Variants in TMEM132C observed in about 807,000 individuals in gnomAD.
The protein encoded by TMEM132C is protein phosphatase 1, regulatory subunit 152.
In TMEM132C, 29 loss-of-function variants were observed where a neutral mutation model predicts 61.4. The ratio of observed to expected loss-of-function variants is 0.47; its 90% confidence interval spans 0.35 to 0.64. TMEM132C has a LOEUF of 0.64. Among genes scored for constraint, TMEM132C ranks in the 30% least tolerant of loss-of-function variants. The probability of loss-of-function intolerance (pLI) is 0.00; values close to 1 mark genes in which losing one functional copy is unlikely to be tolerated. For synonymous variants in TMEM132C, 656 were observed against 633.1 expected (o/e 1.04, Z -0.54); for missense variants, 1,408 against 1,476.9 (o/e 0.95, Z 0.76).
intron 2 of TMEM132C, among the ~76,000 whole-genome samples, chr12:128,427,609 G>T (rs1292413790): frequency 6.6e-6 from 1 of 152,010 alleles, no homozygotes; most frequent in African/African-American, 2.4e-5. Context: ...TTCCTCCAGG[G>T]TGAGATCCAA....
chr12:128,681,169 T>C (rs1164788122), intron 5 of TMEM132C, among the ~76,000 whole-genome samples: 1 of 152,148 alleles, frequency 6.6e-6, no homozygotes, highest in African/African-American at 2.4e-5. Flanking sequence ...TTAGTAAAGA[T>C]GGGTTTCACC....
intron 1 of TMEM132C, among the ~76,000 whole-genome samples, chr12:128,360,963 A>C (rs917212879): frequency 1.6e-4 from 25 of 152,168 alleles, no homozygotes; most frequent in African/African-American, 5.6e-4. Flanking sequence ...TTTCTCATTC[A>C]CTGACTCAAC....
At chr12:128,653,531 G>A (rs2135613123) in intron 4 of TMEM132C, among the ~76,000 whole-genome samples, 1 of 152,310 alleles carries the variant, frequency 6.6e-6, no homozygotes, top group Non-Finnish European at 1.5e-5. Context: ...CAGAGCATGA[G>A]CTTTAGGGTT....
intron 1 of TMEM132C, among the ~76,000 whole-genome samples, chr12:128,274,140 A>G (rs1044427903): frequency 6.6e-6 from 1 of 152,186 alleles, no homozygotes; most frequent in Non-Finnish European, 1.5e-5. Context: ...TTCCAAGACA[A>G]TGGATTCCAG....
chr12:128,416,328 C>G (rs1425006569), intron 2 of TMEM132C, among the ~76,000 whole-genome samples: 1 of 152,162 alleles, frequency 6.6e-6, no homozygotes, highest in Non-Finnish European at 1.5e-5. Flanking sequence ...GGTACAGGAG[C>G]ACATGTTTTC....
chr12:128,662,743 CT>C (rs1046511950), intron 4 of TMEM132C, among the ~76,000 whole-genome samples: 1 of 151,456 alleles, frequency 6.6e-6, no homozygotes, highest in South Asian at 2.1e-4. Context: ...TGTGACTTGG[CT>C]TTTTTTTTCC....
At chr12:128,320,820 A>AG (rs1872306788) in intron 1 of TMEM132C, among the ~76,000 whole-genome samples, 1 of 151,782 alleles carries the variant, frequency 6.6e-6, no homozygotes, top group Non-Finnish European at 1.5e-5. Flanking sequence ...TACAAAAAAA[A>AG]AAAGAAAGAA....
intron 2 of TMEM132C, among the ~76,000 whole-genome samples, chr12:128,536,417 G>A (rs1339087009): frequency 6.6e-6 from 1 of 152,088 alleles, no homozygotes; most frequent in African/African-American, 2.4e-5. Context: ...GGGAGGGATA[G>A]CATTAGGAGA....
At chr12:128,603,569 G>A (rs1444194251) in intron 3 of TMEM132C, among the ~76,000 whole-genome samples, 1 of 152,172 alleles carries the variant, frequency 6.6e-6, no homozygotes, top group Admixed American at 6.5e-5. Flanking sequence ...GGCTTGGTGA[G>A]TATTCTTCCC....
At chr12:128,579,830 T>G (rs1875261420) in intron 3 of TMEM132C, among the ~76,000 whole-genome samples, 1 of 152,234 alleles carries the variant, frequency 6.6e-6, no homozygotes, top group Non-Finnish European at 1.5e-5. Flanking sequence ...AGGATAAATG[T>G]CTTGATCCAC....
At chr12:128,653,125 C>T (rs1954288956) in intron 4 of TMEM132C, among the ~76,000 whole-genome samples, 1 of 152,200 alleles carries the variant, frequency 6.6e-6, no homozygotes, top group South Asian at 2.1e-4. Flanking sequence ...ATCCATGCTA[C>T]CACGTGGACG....
chr12:128,282,065 A>G (rs1341934677), intron 1 of TMEM132C, among the ~76,000 whole-genome samples: 1 of 152,232 alleles, frequency 6.6e-6, no homozygotes, highest in East Asian at 1.9e-4. Flanking sequence ...TGTTTAAACA[A>G]GCTCAAACAT....
chr12:128,607,928 A>C (rs1053477628), intron 3 of TMEM132C, among the ~76,000 whole-genome samples: 1 of 152,152 alleles, frequency 6.6e-6, no homozygotes, highest in Non-Finnish European at 1.5e-5. Flanking sequence ...GCTTGTGGTC[A>C]CGCTCTCCCA....
intron 6 of TMEM132C, among the ~76,000 whole-genome samples, chr12:128,694,452 T>C (rs1395174025): frequency 2.6e-5 from 4 of 152,238 alleles, no homozygotes; most frequent in Non-Finnish European, 5.9e-5. Context: ...GTGTTTCTAG[T>C]GGATGCTGGA....
chr12:128,559,385 T>G (rs1051664279), intron 3 of TMEM132C, among the ~76,000 whole-genome samples: 7 of 151,686 alleles, frequency 4.6e-5, no homozygotes, highest in East Asian at 1.9e-4. Flanking sequence ...TTTTTTGGGG[T>G]TTTTTTTGCC....
chr12:128,600,962 C>T (rs1876163698), intron 3 of TMEM132C, among the ~76,000 whole-genome samples: 1 of 152,160 alleles, frequency 6.6e-6, no homozygotes, highest in Non-Finnish European at 1.5e-5. Context: ...CGAAAATTAA[C>T]TGTAAATTAT....
intron 4 of TMEM132C, among the ~76,000 whole-genome samples, chr12:128,629,566 T>C (rs1320772507): frequency 6.6e-6 from 1 of 151,974 alleles, no homozygotes; most frequent in Non-Finnish European, 1.5e-5. Context: ...CTGCCTGCGG[T>C]TGGGGAAGGG....
chr12:128,494,695 C>A (rs1461394720), intron 2 of TMEM132C, among the ~76,000 whole-genome samples: 1 of 151,928 alleles, frequency 6.6e-6, no homozygotes, highest in Non-Finnish European at 1.5e-5. Flanking sequence ...GTGGTGATAT[C>A]CCCTTTATCA....
In TMEM132C at chr12:128,561,688, T is replaced by C. The variant is rs755709100; in HGVS notation, c.1121+17585T>C. ...AATGCTATAAAGAAGAGGTGTGCAG[T>C]GTTAAGGAACCCACATAAAGAAGTG... On this transcript the variant is annotated intron_variant, in intron 3 of 8. Transcript: ENST00000435159. Among the ~76,000 whole-genome samples the C allele has an allele frequency of 4.5e-4, 68 of 152,208 alleles. 2 individuals carry two copies. The highest frequency in any genetic ancestry group is 1.5e-4 in the Non-Finnish European group (10 of 68,042).
Sources: allele counts gnomAD v4.1 joint callset (sites outside exome capture counted in the v4.1 genomes callset), GRCh38; gene constraint gnomAD v4.1.1; transcripts MANE v1.5; gene names NCBI Gene and HGNC (gene_info 2026-07-23, HGNC 2026-07-21).